SCFD2: variants seen among roughly 807,000 people sequenced by gnomAD.
SCFD2 encodes the protein sec1 family domain containing 2.
A neutral mutation model predicts 58.9 loss-of-function variants in SCFD2; 54 were observed. That is an observed-to-expected ratio of 0.92 (90% CI 0.74 to 1.15). SCFD2 has a LOEUF of 1.15. Among genes scored for constraint, SCFD2 ranks in the 50% most tolerant of loss-of-function variants. The probability of loss-of-function intolerance (pLI) is 0.00; values close to 1 mark genes in which losing one functional copy is unlikely to be tolerated. For synonymous variants in SCFD2, 321 were observed against 335.9 expected, an observed-to-expected ratio of 0.96 and a Z score of 0.49; for missense variants, 805 against 836.6, an observed-to-expected ratio of 0.96 and a Z score of 0.47.
chr4:52,884,082 T>G (rs1277330848), intron 8 of SCFD2, among the ~76,000 whole-genome samples: 1 of 152,204 alleles, frequency 6.6e-6, no homozygotes, highest in Non-Finnish European at 1.5e-5. Flanking sequence ...CTACAAGGGT[T>G]ACTGAGCCAC....
intron 4 of SCFD2, among the ~76,000 whole-genome samples, chr4:53,253,830 G>A (rs572468654): frequency 2.7e-5 from 4 of 148,894 alleles, no homozygotes; most frequent in African/African-American, 5.0e-5. Context: ...CATGGCACAT[G>A]TATACATATG....
chr4:52,987,757 T>C (rs1433153555), intron 5 of SCFD2, among the ~76,000 whole-genome samples: 2 of 152,234 alleles, frequency 1.3e-5, no homozygotes, highest in African/African-American at 2.4e-5. Flanking sequence ...GCTTTTTACA[T>C]TGTTAACTGA....
At chr4:53,021,706 A>C (rs1225339442) in intron 5 of SCFD2, among the ~76,000 whole-genome samples, 1 of 152,158 alleles carries the variant, frequency 6.6e-6, no homozygotes, top group African/African-American at 2.4e-5. Context: ...GGAGAGAAGA[A>C]AGGAAGAGAG....
intron 4 of SCFD2, among the ~76,000 whole-genome samples, chr4:53,176,841 C>T (rs1183883533): frequency 2.7e-5 from 4 of 150,830 alleles, no homozygotes; most frequent in East Asian, 2.0e-4. Flanking sequence ...CCCAGCTATT[C>T]GGTATGCTGA....
intron 5 of SCFD2, among the ~76,000 whole-genome samples, chr4:53,081,451 C>T (rs1278124021): frequency 6.6e-6 from 1 of 152,060 alleles, no homozygotes; most frequent in African/African-American, 2.4e-5. Context: ...TATTTATGTC[C>T]ATGTGTGCTC....
At chr4:53,022,140 G>T (rs1290801191) in intron 5 of SCFD2, among the ~76,000 whole-genome samples, 1 of 152,154 alleles carries the variant, frequency 6.6e-6, no homozygotes, top group Non-Finnish European at 1.5e-5. Context: ...ATTATCCCTG[G>T]CAAGTTGGGA....
chr4:53,230,675 G>T (rs1263329312), intron 4 of SCFD2, among the ~76,000 whole-genome samples: 1 of 151,704 alleles, frequency 6.6e-6, no homozygotes, highest in African/African-American at 2.4e-5. Context: ...AATGCTAAAT[G>T]ACGAGTTAAT....
chr4:52,942,139 T>C (rs1720309525), intron 5 of SCFD2, among the ~76,000 whole-genome samples: 1 of 151,906 alleles, frequency 6.6e-6, no homozygotes, highest in African/African-American at 2.4e-5. Context: ...AGGATTGGAG[T>C]ATACAGAAAG....
At chr4:53,161,428 A>G (rs10517281) in intron 4 of SCFD2, among the ~76,000 whole-genome samples, 30,070 of 152,128 alleles carry the variant, frequency 0.2, 3,150 homozygotes, top group Admixed American at 0.26. Flanking sequence ...AAGCTTACAG[A>G]ATTCATCAAA....
intron 4 of SCFD2, among the ~76,000 whole-genome samples, chr4:53,168,444 T>C (rs1161102291): frequency 1.3e-5 from 2 of 152,132 alleles, no homozygotes; most frequent in Non-Finnish European, 2.9e-5. Flanking sequence ...AAGCAAGTCA[T>C]GAATGAGTCA....
At chr4:53,353,435 A>G (rs1333178288) in intron 1 of SCFD2, among the ~76,000 whole-genome samples, 2 of 152,228 alleles carry the variant, frequency 1.3e-5, no homozygotes, top group Non-Finnish European at 2.9e-5. Flanking sequence ...ACAAAGCTCC[A>G]ACAGTGTGGT....
intron 4 of SCFD2, among the ~76,000 whole-genome samples, chr4:53,229,956 G>A (rs1452894045): frequency 5.9e-5 from 9 of 152,082 alleles, no homozygotes; most frequent in Non-Finnish European, 1.5e-5. Flanking sequence ...CAAAAAGTGG[G>A]CCAAGGAGAT....
intron 5 of SCFD2, among the ~76,000 whole-genome samples, chr4:52,988,251 T>C (rs1721542468): frequency 6.6e-6 from 1 of 152,206 alleles, no homozygotes; most frequent in South Asian, 2.1e-4. Flanking sequence ...GAGTTGGACT[T>C]ACAAATTAGC....
intron 4 of SCFD2, among the ~76,000 whole-genome samples, chr4:53,189,458 C>T (rs1408816433): frequency 6.6e-6 from 1 of 152,162 alleles, no homozygotes; most frequent in Non-Finnish European, 1.5e-5. Context: ...AACAAAATAT[C>T]ATGGACTGGG....
chr4:53,240,034 C>A (rs1729844894), intron 4 of SCFD2, among the ~76,000 whole-genome samples: 1 of 152,190 alleles, frequency 6.6e-6, no homozygotes, highest in Non-Finnish European at 1.5e-5. Flanking sequence ...TAAAAGATCA[C>A]CCTCCTTAAC....
chr4:52,992,193 G>A lies in SCFD2; in HGVS notation c.1562-71323C>T, dbSNP rs1721627512. ...AGGAGCGCGCCACCACGCCTGACTG[G>A]TTTTCCTATTTTTTTGGTGGAGACG... On this transcript the variant is annotated intron_variant, in intron 5 of 8. Transcript: ENST00000401642. Among the ~76,000 whole-genome samples, 2 of 152,142 alleles carry A rather than the reference G, an allele frequency of 1.3e-5. 1 individual carries two copies. The highest frequency in any genetic ancestry group is 4.1e-4 in the South Asian group (2 of 4,826).
At chr4:53,307,130 T>C (rs1413712222) in intron 3 of SCFD2, among the ~76,000 whole-genome samples, 1 of 152,142 alleles carries the variant, frequency 6.6e-6, no homozygotes, top group Non-Finnish European at 1.5e-5. Flanking sequence ...GGCACAGATA[T>C]AGAGGGGCGG....
chr4:53,294,164 C>T (rs564756543), intron 3 of SCFD2, among the ~76,000 whole-genome samples: 10 of 152,002 alleles, frequency 6.6e-5, no homozygotes, highest in South Asian at 2.1e-4. Flanking sequence ...TACCCAGTAA[C>T]GGGATTGCTG....
At chr4:52,959,927 T>TACACACACACACACACACACACACAC (rs773748716) in intron 5 of SCFD2, among the ~76,000 whole-genome samples, 69 of 116,084 alleles carry the variant, frequency 5.9e-4, no homozygotes, top group African/African-American at 2.1e-3. Context: ...CACACACACT[T>TACACACACACACACACACACACACAC]GAATCACCTA....
Sources: allele counts gnomAD v4.1 joint callset (sites outside exome capture counted in the v4.1 genomes callset), GRCh38; gene constraint gnomAD v4.1.1; transcripts MANE v1.5; gene names NCBI Gene and HGNC (gene_info 2026-07-23, HGNC 2026-07-21).